OTOGL: variants seen among roughly 807,000 people sequenced by gnomAD.
The protein encoded by OTOGL is otogelin like, also known as otogelin-like protein.
OTOGL carries 285 observed loss-of-function variants against 318.5 expected under a neutral mutation model. The ratio of observed to expected loss-of-function variants is 0.89; its 90% CI spans 0.81 to 0.99. The LOEUF is 0.99. Ranked by LOEUF, OTOGL falls within the 50% of genes least tolerant of loss-of-function variation. The pLI, the probability that OTOGL is intolerant of heterozygous loss-of-function variation, is 0.00. For synonymous variants in OTOGL, 987 were observed against 936.5 expected (o/e 1.05, Z -0.99); for missense variants, 2,899 against 2,845.6 (o/e 1.02, Z -0.43).
intron 32 of OTOGL, among the ~76,000 whole-genome samples, chr12:80,314,678 A>G (rs1467743768): frequency 1.3e-5 from 2 of 152,156 alleles, no homozygotes. Flanking sequence ...ATTATTTATA[A>G]ATGTAAACAT....
chr12:80,212,150 GC>G (rs1877311958), intron 4 of OTOGL, among the ~76,000 whole-genome samples, 153 bp downstream of exon 4: 1 of 152,180 alleles, frequency 6.6e-6, no homozygotes, highest in Admixed American at 6.5e-5. Flanking sequence ...AACCTCTATT[GC>G]TTTTCTACGA....
intron 1 of OTOGL, among the ~76,000 whole-genome samples, chr12:80,117,154 G>A (rs781019915): frequency 6.6e-6 from 1 of 152,036 alleles, no homozygotes; most frequent in Non-Finnish European, 1.5e-5. Context: ...AGTATCAGGG[G>A]TGTCATGTAA....
intron 13 of OTOGL, among the ~76,000 whole-genome samples, 156 bp from the exon 14 acceptor site, chr12:80,253,310 G>C (rs905110046): frequency 6.6e-6 from 1 of 152,138 alleles, no homozygotes; most frequent in Non-Finnish European, 1.5e-5. Context: ...TACTGCCTGA[G>C]AGTCAGGTTG....
In OTOGL at chr12:80,270,271, A is replaced by G. The variant is rs533731792; in HGVS notation, c.2518+117A>G. 22 of 799,668 alleles carry G rather than the reference A, an allele frequency of 2.8e-5. No homozygotes were observed. In the East Asian group the frequency reaches 5.4e-4, roughly 19 times the overall value. 49.5% of individuals were successfully genotyped at this position (799,668 alleles called of 1,614,324 possible). On this transcript the variant is annotated intron_variant, in intron 23 of 58. Transcript: ENST00000547103. ...AATGTGCATGGCTATAGCCTTGGGA[A>G]TGTTCTTCAACATGGTGTTCCAGTG... is the stretch of plus-strand genomic sequence containing the variant.
At chr12:80,236,957 G>T (rs1030823870) in intron 9 of OTOGL, among the ~76,000 whole-genome samples, 7 of 151,656 alleles carry the variant, frequency 4.6e-5, no homozygotes, top group African/African-American at 1.7e-4. Flanking sequence ...TGGGATTACA[G>T]GCGTGCACCA....
At chr12:80,254,812 A>G (rs1280496099) in intron 15 of OTOGL, among the ~76,000 whole-genome samples, 1 of 152,010 alleles carries the variant, frequency 6.6e-6, no homozygotes, top group African/African-American at 2.4e-5. Context: ...AATAAATATC[A>G]TTTTATAAAC....
Position 80,296,940 on chromosome 12 carries a change from G to A in OTOGL, c.3042G>A (p.Leu1014=). 1.3e-6 allele frequency: 2 copies of A among 1,552,222 alleles called. No homozygotes were observed. The highest frequency in any genetic ancestry group is 1.7e-6 in the Non-Finnish European group (2 of 1,151,190). Reference sequence around the variant, plus strand: ...CAGTTGGGGACACTGAAATTTACCTGAATGATACTCCTTACAAACAGGTTA... The same window carrying A: ...CAGTTGGGGACACTGAAATTTACCTAAATGATACTCCTTACAAACAGGTTA... ...LISVGDTEIY[L]NDTPYKQKQS... Residue 1014 remains leucine, a synonymous_variant, in exon 27 of 59, where the codon CTG becomes CTA. Coordinates refer to ENST00000547103, the MANE Select transcript of OTOGL (RefSeq NM_001378609.3).
intron 4 of OTOGL, among the ~76,000 whole-genome samples, chr12:80,216,772 T>C (rs905009945): frequency 6.6e-6 from 1 of 152,150 alleles, no homozygotes; most frequent in Non-Finnish European, 1.5e-5. Context: ...TCCAGCTTTG[T>C]TTGATTCAAA....
chr12:80,370,704 G>A lies in OTOGL; in HGVS notation c.6735+15G>A, dbSNP rs1309841910. 6.7e-7 allele frequency: 1 copy of A among 1,502,878 alleles called. No homozygotes were observed. The highest frequency in any genetic ancestry group is 1.4e-5 in the African/African-American group (1 of 70,702). 93.1% of individuals were successfully genotyped at this position (1,502,878 alleles called of 1,614,324 possible). On this transcript the variant is annotated intron_variant, in intron 56 of 58. Coordinates refer to ENST00000547103, the MANE Select transcript of OTOGL (RefSeq NM_001378609.3). ...AATGCAAAATGGTTTGTACTTTGTT[G>A]TATCTAAGAAAATTTATTATTATAT...
Position 80,197,760 on chromosome 12 carries a change from G to A in OTOGL, c.-19-11653G>A, listed in dbSNP as rs147410158. On this transcript the variant is annotated intron_variant, in intron 1 of 58. Transcript: ENST00000547103. ...CGAGTTCAGCTCTCCAAGGCAGCCC[G>A]CAGAGGCGTGTGGTGGCATCTTTCT... 7.5e-4 allele frequency among the ~76,000 whole-genome samples: 114 copies of A among 152,328 alleles called. 1 individual carries two copies. Among genetic ancestry groups the A allele is most frequent in the Middle Eastern group, 3.4e-3 (1 of 294 alleles).
intron 44 of OTOGL, among the ~76,000 whole-genome samples, chr12:80,347,310 C>G (rs542403448): frequency 2.6e-5 from 4 of 152,102 alleles, no homozygotes; most frequent in Admixed American, 6.6e-5. Context: ...CCCCCACCCC[C>G]CGACGGGTTG....
chr12:80,267,923 TA>T (rs1326806970), intron 22 of OTOGL, among the ~76,000 whole-genome samples: 1 of 151,774 alleles, frequency 6.6e-6, no homozygotes, highest in Non-Finnish European at 1.5e-5. Flanking sequence ...AGATAGAAGT[TA>T]GGGGTGAAGT....
intron 1 of OTOGL, among the ~76,000 whole-genome samples, chr12:80,106,699 A>G (rs1290758514): frequency 6.6e-6 from 1 of 152,128 alleles, no homozygotes; most frequent in East Asian, 1.9e-4. Flanking sequence ...TCTGGATTGC[A>G]TTCTTCCATC....
chr12:80,336,068 C>T lies in OTOGL; in HGVS notation c.4528C>T (p.Pro1510Ser). Residue 1510 changes from proline to serine, a missense_variant, in exon 39 of 59, where the codon CCT (proline) becomes TCT (serine). Pro to Ser is a moderately conservative substitution (Grantham distance 74). This residue lies in a region of OTOGL where 2,607 missense variants were observed against 2,524.9 expected (regional missense o/e 1.03). Coordinates refer to ENST00000547103, the MANE Select transcript of OTOGL (RefSeq NM_001378609.3). ...SLNCPKDVEM[P>S]DCGFRGRPVQ... ...TAATTGCCCAAAGGACGTGGAAATG[C>T]CTGACTGTGGTTTCCGAGGAAGGCC... 6.3e-7 allele frequency: 1 copy of T among 1,598,738 alleles called. No individual in the cohort carries two copies. Among genetic ancestry groups the T allele is most frequent in the Non-Finnish European group, 8.5e-7 (1 of 1,179,386 alleles).
chr12:80,266,831 T>C (rs996984925), intron 21 of OTOGL, among the ~76,000 whole-genome samples: 7 of 152,160 alleles, frequency 4.6e-5, no homozygotes, highest in African/African-American at 1.7e-4. Context: ...GCTTTTACCA[T>C]AGTCAAATCA....
intron 34 of OTOGL, among the ~76,000 whole-genome samples, chr12:80,321,041 T>G (rs1887301207): frequency 6.6e-6 from 1 of 152,176 alleles, no homozygotes; most frequent in Admixed American, 6.5e-5. Context: ...GGCTTAGTTG[T>G]CTAATGTTTA....
chr12:80,269,237 G>T (rs1183299946), intron 22 of OTOGL, among the ~76,000 whole-genome samples: 1 of 152,076 alleles, frequency 6.6e-6, no homozygotes, highest in Non-Finnish European at 1.5e-5. Flanking sequence ...CATATGATCT[G>T]GTCCAAAGCT....
chr12:80,100,962 T>G (rs940621338), intron 1 of OTOGL, among the ~76,000 whole-genome samples: 7 of 152,196 alleles, frequency 4.6e-5, no homozygotes, highest in Non-Finnish European at 7.4e-5. Flanking sequence ...TATTCTATTT[T>G]TTAAAAGCCT....
At chr12:80,347,756 C>T (rs936485948) in intron 44 of OTOGL, among the ~76,000 whole-genome samples, 2 of 152,126 alleles carry the variant, frequency 1.3e-5, no homozygotes, top group Non-Finnish European at 2.9e-5. Context: ...AAACATGTTC[C>T]TCTTTCTCCA....
Sources: allele counts gnomAD v4.1 joint callset (sites outside exome capture counted in the v4.1 genomes callset), GRCh38; gene constraint gnomAD v4.1.1; regional missense constraint gnomAD v4.1.1; transcripts MANE v1.5; gene names NCBI Gene and HGNC (gene_info 2026-07-23, HGNC 2026-07-21).